The following MSH3 variants were observed in gnomAD, a reference collection of about 807,000 sequenced individuals.
MSH3 encodes the protein mutS homolog 3, also known as DNA mismatch repair protein Msh3.
In MSH3, 106 loss-of-function variants were observed where a neutral mutation model predicts 123.3. The ratio of observed to expected loss-of-function variants is 0.86; its 90% confidence interval spans 0.73 to 1.01. The LOEUF (loss-of-function observed/expected upper bound fraction) is 1.01, where lower values mean the gene tolerates loss of function less well. Ranked by LOEUF, MSH3 falls within the 50% of genes least tolerant of loss-of-function variation. The pLI, the probability that MSH3 is intolerant of heterozygous loss-of-function variation, is 0.00. For missense variants in MSH3, 1,459 were observed against 1,347.6 expected (o/e 1.08, Z -1.29); for synonymous variants, 515 against 481.4 (o/e 1.07, Z -0.91).
intron 20 of MSH3, among the ~76,000 whole-genome samples, chr5:80,834,298 C>G (rs1033019640): frequency 6.6e-6 from 1 of 151,812 alleles, no homozygotes; most frequent in Non-Finnish European, 1.5e-5. Flanking sequence ...AAACATCATT[C>G]ATTGTATCTA....
Position 80,674,982 on chromosome 5 carries a change from A to C in MSH3, c.1028-1A>C. The C allele has an allele frequency of 6.3e-7, 1 of 1,594,596 alleles. No homozygotes were observed. The highest frequency in any genetic ancestry group is 8.6e-7 in the Non-Finnish European group (1 of 1,164,896). On this transcript the variant is annotated splice_acceptor_variant, in intron 6 of 23. Coordinates refer to ENST00000265081, the MANE Select transcript of MSH3 (RefSeq NM_002439.5). LOFTEE classifies it high-confidence loss of function. ...AATTATTTTTCTTTAATTATTATTA[A>C]ATGTGAATCCCCTAATCAAGCTGGA...
Position 80,776,929 on chromosome 5 carries a change from T to TATATATA in MSH3, c.2318+1171_2318+1172insATATATA, listed in dbSNP as rs1554072702. Among the ~76,000 whole-genome samples, 11 of 91,632 alleles carry TATATATA rather than the reference T, an allele frequency of 1.2e-4. No homozygotes were observed. The East Asian group carries it at 2.3e-3, about 20-fold the overall frequency. The allele number at this position is 91,632 out of a possible 152,430, so 60.1% of individuals were successfully genotyped here. On this transcript the variant is annotated intron_variant, in intron 16 of 23. Coordinates refer to ENST00000265081, the MANE Select transcript of MSH3 (RefSeq NM_002439.5). ...TAATACAAATATATATATATATATA[T>TATATATA]TTTTTTTTTTTCTTTTTTTTAAGAC... is the stretch of plus-strand genomic sequence containing the variant.
In MSH3 at chr5:80,802,455, A is replaced by G. The variant is rs6151873; in HGVS notation, c.2655+9611A>G. Among the ~76,000 whole-genome samples the G allele has an allele frequency of 2.0e-5, 3 of 151,338 alleles. No individual in the cohort carries two copies. The South Asian group carries it at 6.3e-4, about 32-fold the overall frequency. On this transcript the variant is annotated intron_variant, in intron 19 of 23. Transcript: ENST00000265081. ...AATTGGGGGCACATAGTAGGTGTGT[A>G]TATTTATGGATTACATGAGATATTT...
chr5:80,806,244 A>G (rs1372480602), intron 19 of MSH3, among the ~76,000 whole-genome samples: 14 of 152,122 alleles, frequency 9.2e-5, no homozygotes, highest in Admixed American at 9.2e-4. Context: ...GATTACTGGC[A>G]TGTGCCACCA....
At chr5:80,766,330 G>GTTTTTTAGC (rs1744121348) in intron 13 of MSH3, among the ~76,000 whole-genome samples, 1 of 117,078 alleles carries the variant, frequency 8.5e-6, no homozygotes, top group Non-Finnish European at 1.8e-5. Flanking sequence ...TTTCTAGTGT[G>GTTTTTTAGC]TTTTTTTCCT....
chr5:80,736,858 C>A (rs929170684), intron 10 of MSH3, among the ~76,000 whole-genome samples: 1 of 152,204 alleles, frequency 6.6e-6, no homozygotes, highest in East Asian at 1.9e-4. Context: ...ATGCCCGGTT[C>A]CCCCTGGACT....
intron 8 of MSH3, among the ~76,000 whole-genome samples, chr5:80,707,138 C>CT (rs1343826778): frequency 3.3e-5 from 5 of 152,242 alleles, no homozygotes; most frequent in African/African-American, 1.2e-4. Context: ...ACAGTGCATA[C>CT]TTTTTTGTGT....
chr5:80,714,362 C>A (rs1561453013), intron 8 of MSH3, among the ~76,000 whole-genome samples: 2 of 151,890 alleles, frequency 1.3e-5, no homozygotes, highest in Non-Finnish European at 2.9e-5. Context: ...TCTGGAACTC[C>A]TGACCTCAGG....
At chr5:80,797,615 G>A (rs1183406616) in intron 19 of MSH3, among the ~76,000 whole-genome samples, 2 of 152,222 alleles carry the variant, frequency 1.3e-5, no homozygotes, top group Non-Finnish European at 2.9e-5. Context: ...TCTGCCAGAG[G>A]TTGCTCAGGT....
chr5:80,710,495 G>T (rs1164435338), intron 8 of MSH3, among the ~76,000 whole-genome samples: 4 of 152,112 alleles, frequency 2.6e-5, no homozygotes, highest in Non-Finnish European at 1.5e-5. Context: ...TAAAGTTTCT[G>T]ACAAAGCATC....
chr5:80,700,049 T>C (rs1452456542), intron 8 of MSH3, among the ~76,000 whole-genome samples: 2 of 152,216 alleles, frequency 1.3e-5, no homozygotes, highest in Non-Finnish European at 2.9e-5. Flanking sequence ...TATTAGACGG[T>C]AGTTTCACTT....
At chr5:80,707,557 T>TA (rs879781172) in intron 8 of MSH3, among the ~76,000 whole-genome samples, 227 of 138,570 alleles carry the variant, frequency 1.6e-3, no homozygotes, top group Middle Eastern at 7.1e-3. Flanking sequence ...ACCCTGGCTC[T>TA]AAAAAAAAAA....
chr5:80,720,193 A>T (rs189586924), intron 8 of MSH3, among the ~76,000 whole-genome samples: 3 of 152,198 alleles, frequency 2.0e-5, no homozygotes, highest in Admixed American at 6.5e-5. Context: ...TCTTTTATAA[A>T]CAACTTGTCA....
At chr5:80,777,136 G>T (rs1264248566) in intron 16 of MSH3, among the ~76,000 whole-genome samples, 3 of 151,758 alleles carry the variant, frequency 2.0e-5, no homozygotes, top group Non-Finnish European at 4.4e-5. Flanking sequence ...TCGCCATTTG[G>T]CCAGGCTGGT....
chr5:80,660,193 CTT>C (rs1231976014), intron 2 of MSH3, among the ~76,000 whole-genome samples: 1 of 141,096 alleles, frequency 7.1e-6, no homozygotes. Flanking sequence ...AAAGGCACTT[CTT>C]TTTTTTTTTT....
intron 8 of MSH3, among the ~76,000 whole-genome samples, chr5:80,683,528 T>G (rs536727784): frequency 6.6e-6 from 1 of 152,284 alleles, no homozygotes; most frequent in Admixed American, 6.5e-5. Flanking sequence ...TCTATTCAAT[T>G]TGTCTATTTT....
chr5:80,831,965 CG>C (rs1047454486), intron 20 of MSH3, among the ~76,000 whole-genome samples: 1 of 148,330 alleles, frequency 6.7e-6, no homozygotes, highest in Non-Finnish European at 1.5e-5. Flanking sequence ...AAAAATTAGC[CG>C]GGTGTGGTGG....
chr5:80,799,711 CCT>C (rs1744760883), intron 19 of MSH3, among the ~76,000 whole-genome samples: 1 of 151,732 alleles, frequency 6.6e-6, no homozygotes, highest in African/African-American at 2.4e-5. Context: ...ACTATGATTC[CCT>C]GTCATTGAGC....
chr5:80,740,733 G>A (rs1437326120), intron 10 of MSH3, among the ~76,000 whole-genome samples: 4 of 134,872 alleles, frequency 3.0e-5, no homozygotes, highest in East Asian at 2.1e-4. Context: ...TTTTTTTGCC[G>A]AGGCGTAGTC....
Sources: gnomAD v4.1 joint callset for allele counts (sites outside exome capture counted in the v4.1 genomes callset) on GRCh38, gnomAD v4.1.1 for gene constraint, MANE v1.5 for transcripts, NCBI Gene and HGNC (gene_info 2026-07-23, HGNC 2026-07-21) for gene names.